The following ANO3 variants were observed in gnomAD, a reference collection of about 807,000 sequenced individuals.
ANO3 encodes the protein anoctamin 3.
ANO3 carries 99 observed loss-of-function variants against 144.8 expected under a neutral mutation model. That is an observed-to-expected ratio of 0.68 (90% confidence interval 0.58 to 0.81). The LOEUF is 0.81. Among genes scored for constraint, ANO3 ranks in the 30% least tolerant of loss-of-function variants. The probability of loss-of-function intolerance (pLI) is 0.00; values close to 1 mark genes in which losing one functional copy is unlikely to be tolerated. For synonymous variants in ANO3, 414 were observed against 392.6 expected, an observed-to-expected ratio of 1.05 and a Z score of -0.64; for missense variants, 905 against 1,202.2, an observed-to-expected ratio of 0.75 and a Z score of 3.66.
intron 1 of ANO3, among the ~76,000 whole-genome samples, chr11:26,236,926 A>G (rs1232661173): frequency 6.6e-6 from 1 of 151,914 alleles, no homozygotes; most frequent in African/African-American, 2.4e-5. Flanking sequence ...GTTATAAAAG[A>G]TTTTTTTTAA....
At chr11:26,511,445 C>CA (rs1262942287) in intron 5 of ANO3, among the ~76,000 whole-genome samples, 6 of 152,114 alleles carry the variant, frequency 3.9e-5, no homozygotes, top group Non-Finnish European at 7.4e-5. Flanking sequence ...ATACTCTTTC[C>CA]ACTTGATTAA....
chr11:26,438,200 A>G (rs1296289710), intron 1 of ANO3, among the ~76,000 whole-genome samples: 2 of 152,182 alleles, frequency 1.3e-5, no homozygotes, highest in African/African-American at 4.8e-5. Context: ...ACAATAGCCA[A>G]AAGAGAGCGG....
At chr11:26,312,324 T>G (rs563547773) in intron 1 of ANO3, among the ~76,000 whole-genome samples, 2 of 152,252 alleles carry the variant, frequency 1.3e-5, no homozygotes, top group Admixed American at 6.5e-5. Flanking sequence ...TGTGTCTTTA[T>G]AGCAGCATGA....
At chr11:26,631,318 TTTTA>T (rs1311000393) in intron 18 of ANO3, among the ~76,000 whole-genome samples, 2 of 152,194 alleles carry the variant, frequency 1.3e-5, no homozygotes, top group Admixed American at 1.3e-4. Flanking sequence ...ATTTTGTTTA[TTTTA>T]TTGTTTTTGT....
intron 1 of ANO3, among the ~76,000 whole-genome samples, chr11:26,430,366 T>C (rs1422186824): frequency 6.6e-6 from 1 of 152,100 alleles, no homozygotes; most frequent in Non-Finnish European, 1.5e-5. Context: ...TTGCAAATGA[T>C]CTTCTACCTT....
chr11:26,438,967 G>A (rs1858411700), intron 1 of ANO3, among the ~76,000 whole-genome samples: 1 of 152,156 alleles, frequency 6.6e-6, no homozygotes, highest in Non-Finnish European at 1.5e-5. Context: ...AAGACGTTGT[G>A]GTTTTGGCAT....
At chr11:26,299,550 T>A (rs376930499) in intron 1 of ANO3, among the ~76,000 whole-genome samples, 19 of 152,256 alleles carry the variant, frequency 1.2e-4, no homozygotes, top group Middle Eastern at 3.4e-3. Context: ...CCTTTTTTTT[T>A]TCCTATTCTT....
intron 1 of ANO3, among the ~76,000 whole-genome samples, chr11:26,414,143 G>A (rs910723939): frequency 1.8e-4 from 27 of 152,090 alleles, no homozygotes; most frequent in African/African-American, 6.0e-4. Context: ...CTGTTGGTGG[G>A]AATGTAAATT....
chr11:26,598,487 A>G (rs756319720), intron 15 of ANO3, 40 bp downstream of exon 15: 1 of 1,382,234 alleles, frequency 7.2e-7, no homozygotes, highest in Non-Finnish European at 1.0e-6. Context: ...AAACTGGGCT[A>G]TTACAGGATA....
intron 17 of ANO3, among the ~76,000 whole-genome samples, chr11:26,618,031 A>C (rs894321723): frequency 6.6e-6 from 1 of 152,194 alleles, no homozygotes; most frequent in African/African-American, 2.4e-5. Flanking sequence ...GACCAAAACT[A>C]AATATGCAGC....
At chr11:26,202,991 A>T (rs1851727664) in intron 1 of ANO3, among the ~76,000 whole-genome samples, 1 of 152,130 alleles carries the variant, frequency 6.6e-6, no homozygotes, top group Non-Finnish European at 1.5e-5. Flanking sequence ...TGTGTGAGAC[A>T]GAGATGGAAA....
chr11:26,598,559 T>A (rs1851705588), intron 15 of ANO3, 112 bp downstream of exon 15: 1 of 717,000 alleles, frequency 1.4e-6, no homozygotes, highest in South Asian at 2.4e-5. Context: ...ATTTTTCCCT[T>A]GATCTTTCCT....
At chr11:26,371,364 G>A (rs1169536117) in intron 1 of ANO3, among the ~76,000 whole-genome samples, 1 of 152,236 alleles carries the variant, frequency 6.6e-6, no homozygotes, top group Non-Finnish European at 1.5e-5. Context: ...ATGCCTGGAT[G>A]TCCAGGCAGA....
intron 1 of ANO3, among the ~76,000 whole-genome samples, chr11:26,292,826 T>C (rs1256114076): frequency 1.3e-5 from 2 of 152,122 alleles, no homozygotes; most frequent in African/African-American, 4.8e-5. Flanking sequence ...CCTGGCTGTA[T>C]GAGTTGTCAG....
At chr11:26,573,616 A>G (rs1340030419) in intron 14 of ANO3, among the ~76,000 whole-genome samples, 1 of 152,194 alleles carries the variant, frequency 6.6e-6, no homozygotes, top group Non-Finnish European at 1.5e-5. Context: ...ATTATGGCTT[A>G]TACCAGGCAT....
intron 17 of ANO3, among the ~76,000 whole-genome samples, chr11:26,605,520 C>T (rs2132947682): frequency 6.6e-6 from 1 of 152,236 alleles, no homozygotes; most frequent in East Asian, 1.9e-4. Context: ...CCTCTTTGTA[C>T]CTCTGGTAGA....
chr11:26,543,920 C>T (rs529365162), intron 11 of ANO3, among the ~76,000 whole-genome samples: 9 of 151,986 alleles, frequency 5.9e-5, no homozygotes, highest in African/African-American at 9.6e-5. Context: ...AATAAACATA[C>T]GCTTTTAATT....
At chr11:26,346,456 A>G (rs1212431755) in intron 1 of ANO3, among the ~76,000 whole-genome samples, 1 of 152,200 alleles carries the variant, frequency 6.6e-6, no homozygotes, top group Non-Finnish European at 1.5e-5. Context: ...TTACCATCTC[A>G]AAAAGACTCT....
At chr11:26,384,769 A>T (rs1856680408) in intron 1 of ANO3, among the ~76,000 whole-genome samples, 1 of 152,162 alleles carries the variant, frequency 6.6e-6, no homozygotes, top group South Asian at 2.1e-4. Flanking sequence ...CTTACTCCCT[A>T]GACACTATCT....
Sources: gnomAD v4.1 joint callset for allele counts (sites outside exome capture counted in the v4.1 genomes callset) on GRCh38, gnomAD v4.1.1 for gene constraint, MANE v1.5 for transcripts, NCBI Gene and HGNC (gene_info 2026-07-23, HGNC 2026-07-21) for gene names.